The following MYLK4 variants were observed in gnomAD, a reference collection of about 807,000 sequenced individuals.
MYLK4 encodes caMLCK like.
In MYLK4, 46 loss-of-function variants were observed where a neutral mutation model predicts 48.1. The observed-to-expected ratio is 0.96, with a 90% CI of 0.75 to 1.22. The LOEUF (loss-of-function observed/expected upper bound fraction) is 1.22. MYLK4 is among the 50% of genes most tolerant of loss of function. The pLI is 0.00. For missense variants in MYLK4, 451 were observed against 486.1 expected (o/e 0.93, Z 0.68); for synonymous variants, 170 against 180.8 (o/e 0.94, Z 0.48).
intron 2 of MYLK4, among the ~76,000 whole-genome samples, chr6:2,724,142 T>C (rs1488147572): frequency 6.6e-6 from 1 of 152,184 alleles, no homozygotes; most frequent in African/African-American, 2.4e-5. Flanking sequence ...CCTCCCAAAG[T>C]GCCGTGATTA....
At chr6:2,766,765 C>T in the MYLK4 span, among the ~76,000 whole-genome samples, 1 of 151,662 alleles carries the variant, frequency 6.6e-6, no homozygotes, top group African/African-American at 2.4e-5. Context: ...CCCGCCCCCT[C>T]CCCAGACTTT....
upstream of MYLK4, among the ~76,000 whole-genome samples, chr6:2,753,708 G>A (rs1192688248): frequency 6.6e-6 from 1 of 151,912 alleles, no homozygotes; most frequent in Non-Finnish European, 1.5e-5. Flanking sequence ...TTTTTTAAAT[G>A]GACAAAAGAT....
chr6:2,757,139 C>CT, the MYLK4 span, among the ~76,000 whole-genome samples: 11,514 of 144,196 alleles, frequency 0.08, 901 homozygotes, highest in African/African-American at 0.2. Flanking sequence ...CAGAGGTGTG[C>CT]TTTTTTTTTT....
Position 2,719,383 on chromosome 6 carries a change from C to T in MYLK4, c.160-26524G>A, listed in dbSNP as rs763303140. Among the ~76,000 whole-genome samples the T allele has an allele frequency of 5.9e-5, 9 of 152,170 alleles. 1 individual carries two copies. Among genetic ancestry groups the T allele is most frequent in the Admixed American group, 1.3e-4 (2 of 15,282 alleles). The stretch of plus-strand genomic sequence containing the variant: ...AGGCATAATCCCCCCAACACATGCA[C>T]ACAAACATCTCATGTTTTATAATAG... On this transcript the variant is annotated intron_variant, in intron 2 of 12. Coordinates refer to ENST00000274643, the MANE Select transcript of MYLK4 (RefSeq NM_001012418.5).
chr6:2,760,498 C>G, the MYLK4 span, among the ~76,000 whole-genome samples: 4 of 152,150 alleles, frequency 2.6e-5, no homozygotes, highest in African/African-American at 7.2e-5. Context: ...AATTTCTAGC[C>G]CCTGAGATTG....
chr6:2,762,221 ACTCCCATAGTACACAAGTTTC>A, the MYLK4 span, among the ~76,000 whole-genome samples: 4 of 151,946 alleles, frequency 2.6e-5, no homozygotes, highest in African/African-American at 9.7e-5. Context: ...CTTAATTTTT[ACTCCCATAGTACACAAGTTTC>A]CCATGACAAT....
the MYLK4 span, among the ~76,000 whole-genome samples, chr6:2,761,055 C>T: frequency 7.9e-5 from 12 of 152,172 alleles, no homozygotes; most frequent in East Asian, 1.5e-3. Context: ...CATGAAGGTG[C>T]GCAAGATCAT....
intron 2 of MYLK4, among the ~76,000 whole-genome samples, chr6:2,694,491 A>ATGG (rs1215791355): frequency 4.2e-4 from 1 of 2,390 alleles, no homozygotes; most frequent in Non-Finnish European, 8.4e-4. Context: ...GGTAGTGGTC[A>ATGG]TGGTGGTGGT....
chr6:2,705,634 TTTG>T (rs1240922290), intron 2 of MYLK4, among the ~76,000 whole-genome samples: 1 of 152,222 alleles, frequency 6.6e-6, no homozygotes, highest in Non-Finnish European at 1.5e-5. Context: ...AGCAGCACTT[TTTG>T]TTGTTGTGTA....
In MYLK4 at chr6:2,687,115, C is replaced by T. The variant is rs139839665; in HGVS notation, c.342-1539G>A. Among the ~76,000 whole-genome samples, 66 of 152,272 alleles carry T rather than the reference C, an allele frequency of 4.3e-4. 1 individual carries two copies. The highest frequency in any genetic ancestry group is 7.2e-4 in the Non-Finnish European group (49 of 68,024). ...ACCCTCAAGGCCACAGGGCAGGAGACGAACTCCCAGGAAAATTCAGGGGCC... is the reference window on the plus strand; with the variant it reads ...ACCCTCAAGGCCACAGGGCAGGAGATGAACTCCCAGGAAAATTCAGGGGCC... On this transcript the variant is annotated intron_variant, in intron 4 of 12. Coordinates refer to ENST00000274643, the MANE Select transcript of MYLK4 (RefSeq NM_001012418.5).
At chr6:2,695,673 C>T (rs535629988) in intron 2 of MYLK4, among the ~76,000 whole-genome samples, 6 of 152,248 alleles carry the variant, frequency 3.9e-5, no homozygotes, top group East Asian at 3.9e-4. Context: ...AACTTTGAAC[C>T]GAAGAGTTTC....
At chr6:2,768,631 G>C in the MYLK4 span, 1 of 1,414,234 alleles carries the variant, frequency 7.1e-7, no homozygotes, top group South Asian at 1.5e-5. Context: ...GGTTCCCATG[G>C]GTGCTGGTCT....
intron 2 of MYLK4, among the ~76,000 whole-genome samples, chr6:2,723,375 T>C (rs1398847420): frequency 6.6e-6 from 1 of 152,244 alleles, no homozygotes; most frequent in African/African-American, 2.4e-5. Flanking sequence ...AACTTTCTGT[T>C]CTCCATATTT....
intron 6 of MYLK4, among the ~76,000 whole-genome samples, chr6:2,683,434 T>TGTGTGTGTGTGTG (rs756575525): frequency 6.7e-5 from 10 of 149,240 alleles, no homozygotes; most frequent in African/African-American, 7.4e-5. Context: ...TGTGTGTGTG[T>TGTGTGTGTGTGTG]TTTGAGATGG....
chr6:2,755,728 G>A (rs914737430), upstream of MYLK4, among the ~76,000 whole-genome samples: 2 of 152,056 alleles, frequency 1.3e-5, no homozygotes, highest in African/African-American at 4.8e-5. Flanking sequence ...TTGTGGAGAT[G>A]AGGCTTCCTA....
the MYLK4 span, among the ~76,000 whole-genome samples, chr6:2,757,146 T>TC: frequency 1.6e-3 from 247 of 152,180 alleles, 1 homozygote; most frequent in African/African-American, 5.8e-3. Flanking sequence ...GTGCTTTTTT[T>TC]TTTTTTAATT....
chr6:2,681,031 T>C (rs1761279154), intron 7 of MYLK4, among the ~76,000 whole-genome samples: 1 of 152,190 alleles, frequency 6.6e-6, no homozygotes, highest in South Asian at 2.1e-4. Context: ...GTGCACCTAA[T>C]GTTTACTGGG....
intron 2 of MYLK4, among the ~76,000 whole-genome samples, chr6:2,696,066 A>G (rs1250828871): frequency 6.6e-6 from 1 of 152,254 alleles, no homozygotes; most frequent in Admixed American, 6.5e-5. Flanking sequence ...CTATATTTGC[A>G]TATGGATTTC....
At chr6:2,699,282 C>CTTTTTTTTTTTTTTTTT (rs1762184790) in intron 2 of MYLK4, among the ~76,000 whole-genome samples, 3 of 63,580 alleles carry the variant, frequency 4.7e-5, no homozygotes, top group African/African-American at 1.2e-4. Context: ...CTTTTCTTTT[C>CTTTTTTTTTTTTTTTTT]TTTTCTTTTT....
Sources: allele counts gnomAD v4.1 joint callset (sites outside exome capture counted in the v4.1 genomes callset), GRCh38; gene constraint gnomAD v4.1.1; transcripts MANE v1.5; gene names NCBI Gene and HGNC (gene_info 2026-07-23, HGNC 2026-07-21).